Variants in CCDC134 observed in about 807,000 individuals in gnomAD.
CCDC134 encodes coiled-coil domain-containing protein 134.
In CCDC134, 27 loss-of-function variants were observed where a neutral mutation model predicts 25.6. That is an observed-to-expected ratio of 1.05 (90% CI 0.78 to 1.45). The LOEUF (loss-of-function observed/expected upper bound fraction) is 1.45. CCDC134 is among the 40% of genes most tolerant of loss of function. The pLI, the probability that CCDC134 is intolerant of heterozygous loss-of-function variation, is 0.00. For missense variants in CCDC134, 261 were observed against 286.7 expected (o/e 0.91, Z 0.65); for synonymous variants, 110 against 115.0 (o/e 0.96, Z 0.28).
chr22:41,809,092 G>A (rs2076582149), intron 2 of CCDC134, 99 bp downstream of exon 2: 1 of 970,552 alleles, frequency 1.0e-6, no homozygotes, highest in Non-Finnish European at 1.6e-6. Context: ...CCAGCTGGCG[G>A]GAACAGGGAG....
intron 4 of CCDC134, among the ~76,000 whole-genome samples, chr22:41,811,648 C>T (rs56802850): frequency 0.011 from 1,641 of 152,150 alleles, 29 homozygotes; most frequent in African/African-American, 0.038. Context: ...GGGCTGGTCT[C>T]GAACTTTTGA....
At chr22:41,823,826 C>T (rs2076663542) in intron 6 of CCDC134, among the ~76,000 whole-genome samples, 1 of 152,126 alleles carries the variant, frequency 6.6e-6, no homozygotes, top group Non-Finnish European at 1.5e-5. Flanking sequence ...AATTGGAGTA[C>T]CCAGAGAAAA....
intron 6 of CCDC134, among the ~76,000 whole-genome samples, chr22:41,819,116 C>T (rs1436749908): frequency 6.6e-6 from 1 of 151,898 alleles, no homozygotes; most frequent in Non-Finnish European, 1.5e-5. Flanking sequence ...GTGGACTTGT[C>T]TCTCGCAGGA....
chr22:41,801,981 C>T (rs547010449), intron 1 of CCDC134, among the ~76,000 whole-genome samples: 97 of 152,230 alleles, frequency 6.4e-4, no homozygotes, highest in African/African-American at 2.2e-3. Flanking sequence ...AAGAGTGGTG[C>T]TAGTCTGAGG....
chr22:41,829,146 C>T lies in CCDC134; in HGVS notation c.*3323C>T, dbSNP rs539942340. On this transcript the variant is annotated 3_prime_UTR_variant, in exon 7 of 7. Coordinates refer to ENST00000255784, the MANE Select transcript of CCDC134 (RefSeq NM_024821.5). ...AATGTGTCCAGACATTGCCAGATGTCCACTGGGAGGGAAAACCTCTCTGGT... is the reference window on the plus strand; with the variant it reads ...AATGTGTCCAGACATTGCCAGATGTTCACTGGGAGGGAAAACCTCTCTGGT... Among the ~76,000 whole-genome samples the T allele has an allele frequency of 8.5e-5, 13 of 152,162 alleles. No homozygotes were observed. The highest frequency in any genetic ancestry group is 1.8e-4 in the Non-Finnish European group (12 of 68,040).
At chr22:41,810,403 G>A in intron 4 of CCDC134, 112 bp downstream of exon 4, 2 of 982,940 alleles carry the variant, frequency 2.0e-6, no homozygotes, top group Non-Finnish European at 3.1e-6. Flanking sequence ...CCCTCTTGTG[G>A]CACCTTCTAA....
chr22:41,813,578 G>A (rs1171267427), intron 5 of CCDC134, 133 bp downstream of exon 5: 1 of 1,222,026 alleles, frequency 8.2e-7, no homozygotes, highest in African/African-American at 1.5e-5. Context: ...GGGTATCTTG[G>A]GCCACAGAGG....
rs1269511059 is a variant in CCDC134 at position 41,830,744 on chromosome 22, GAAAGTAAAATTCACTCCA to G, written c.*4936_*4953del. Reference sequence around the variant, plus strand: ...TTAAGCAATACTGAAATGCCAAAAAGAAAGTAAAATTCACTCCAAAAGTAAAATTCACCCCAAATCTCA... The same window carrying G: ...TTAAGCAATACTGAAATGCCAAAAAGAAAGTAAAATTCACCCCAAATCTCA... On this transcript the variant is annotated 3_prime_UTR_variant, in exon 7 of 7. Coordinates refer to ENST00000255784, the MANE Select transcript of CCDC134 (RefSeq NM_024821.5). Among the ~76,000 whole-genome samples the G allele has an allele frequency of 6.6e-6, 1 of 152,108 alleles. No individual in the cohort carries two copies. Among genetic ancestry groups the G allele is most frequent in the Non-Finnish European group, 1.5e-5 (1 of 68,008 alleles).
At chr22:41,824,260 G>A (rs1252119901) in intron 6 of CCDC134, among the ~76,000 whole-genome samples, 1 of 152,168 alleles carries the variant, frequency 6.6e-6, no homozygotes, top group Non-Finnish European at 1.5e-5. Context: ...GGTGGGTGTT[G>A]GAAAGAGCGT....
chr22:41,824,772 AG>A (rs2076668406), intron 6 of CCDC134, among the ~76,000 whole-genome samples: 2 of 152,120 alleles, frequency 1.3e-5, no homozygotes, highest in Admixed American at 6.5e-5. Context: ...AAAGAAGAAA[AG>A]AAAAGAAAAG....
In CCDC134 at chr22:41,828,697, CAT is replaced by C. The variant is rs2076691025; in HGVS notation, c.*2875_*2876del. On this transcript the variant is annotated 3_prime_UTR_variant, in exon 7 of 7. Coordinates refer to ENST00000255784, the MANE Select transcript of CCDC134 (RefSeq NM_024821.5). ...CCTGAGCTGTAAAGGCCCTAGGGCA[CAT>C]GTTTGTCCAGCTGCCTCTTGCAGCT... 6.7e-6 allele frequency among the ~76,000 whole-genome samples: 1 copy of C among 148,424 alleles called. No homozygotes were observed. Among genetic ancestry groups the C allele is most frequent in the Admixed American group, 7.5e-5 (1 of 13,312 alleles).
At chr22:41,822,244 C>A (rs988898811) in intron 6 of CCDC134, among the ~76,000 whole-genome samples, 2 of 151,996 alleles carry the variant, frequency 1.3e-5, no homozygotes, top group African/African-American at 4.8e-5. Flanking sequence ...ATCCTGGAGC[C>A]AGATGCATTT....
rs776830509 is a variant in CCDC134 at position 41,813,294 on chromosome 22, T to C, written c.341T>C (p.Phe114Ser). 1.9e-6 allele frequency: 3 copies of C among 1,614,170 alleles called. No homozygotes were observed. In the South Asian group the frequency reaches 3.3e-5, roughly 18 times the overall value. The change falls in exon 5 of 7, where the codon TTC (phenylalanine) becomes TCC (serine). Residue 114 changes from phenylalanine (F) to serine (S), a missense_variant. Transcript: ENST00000255784. ...TCCCACGTGGTGGAGAACACGGCCTTCTTCGGCGATGTGGTGCTGCGCTTC... is the reference window on the plus strand; with the variant it reads ...TCCCACGTGGTGGAGAACACGGCCTCCTTCGGCGATGTGGTGCTGCGCTTC... ...AFSHVVENTA[F>S]FGDVVLRFPR...
At position 41,827,471 on chromosome 22, in the gene CCDC134, A is replaced by G. The variant is rs981265148; in HGVS notation, c.*1648A>G. ...TTGAACAAAGAATTGGGCAAAATGC[A>G]CAAAGCAAGGAAGGAATGAAGGGTT... On this transcript the variant is annotated 3_prime_UTR_variant, in exon 7 of 7. Transcript: ENST00000255784. 6.6e-6 allele frequency among the ~76,000 whole-genome samples: 1 copy of G among 152,204 alleles called. No homozygotes were observed. The highest frequency in any genetic ancestry group is 1.5e-5 in the Non-Finnish European group (1 of 68,034).
Position 41,813,345 on chromosome 22 carries a change from AC to A in CCDC134, c.394del (p.His132ThrfsTer33), listed in dbSNP as rs765280336. On this transcript the variant is annotated frameshift_variant, in exon 5 of 7. Coordinates refer to ENST00000255784, the MANE Select transcript of CCDC134 (RefSeq NM_024821.5). LOFTEE classifies it high-confidence loss of function. ...RFPRIVHYYF[D>X]HNSNWNLLIR... is the part of the protein sequence containing the mutation. Reference sequence around the variant, plus strand: ...CCGAGGATTGTGCACTATTACTTTGACCACAACTCCAACTGGAACCTCCTCA... The same window carrying A: ...CCGAGGATTGTGCACTATTACTTTGACACAACTCCAACTGGAACCTCCTCA... The A allele has an allele frequency of 1.9e-6, 3 of 1,614,050 alleles. No individual in the cohort carries two copies. In the South Asian group the frequency reaches 3.3e-5, roughly 18 times the overall value.
In CCDC134 at chr22:41,829,323, G is replaced by A. The variant is rs191913221; in HGVS notation, c.*3500G>A. On this transcript the variant is annotated 3_prime_UTR_variant, in exon 7 of 7. Coordinates refer to ENST00000255784, the MANE Select transcript of CCDC134 (RefSeq NM_024821.5). ...CAAGTCTGAGCTGACTCTCTCTTCC[G>A]GATTCTTCTTTCCTCACCTGCCCCC... is the stretch of plus-strand genomic sequence containing the variant. Among the ~76,000 whole-genome samples the A allele has an allele frequency of 3.9e-5, 6 of 152,158 alleles. No homozygotes were observed. The highest frequency in any genetic ancestry group is 2.1e-4 in the South Asian group (1 of 4,824).
rs920777962 is a variant in CCDC134, at chr22:41,825,622, C to T, written c.565-76C>T. ...TCCAGGGAACCTTCCTATTCCCACACCCCGCTGGTGGCCTAGCTCAGAGCA... is the reference window on the plus strand; with the variant it reads ...TCCAGGGAACCTTCCTATTCCCACATCCCGCTGGTGGCCTAGCTCAGAGCA... On this transcript the variant is annotated intron_variant, in intron 6 of 6. Transcript: ENST00000255784. This position sits in a 1 kb window ranked among gnomAD's most constrained non-coding sequence, Gnocchi z 4.4. 1.1e-5 allele frequency: 18 copies of T among 1,583,186 alleles called. No individual in the cohort carries two copies. The highest frequency in any genetic ancestry group is 2.6e-6 in the Non-Finnish European group (3 of 1,161,848).
rs2076700529 is a variant in CCDC134 at position 41,830,510 on chromosome 22, G to A, written c.*4687G>A. 6.6e-6 allele frequency among the ~76,000 whole-genome samples: 1 copy of A among 152,166 alleles called. No individual in the cohort carries two copies. The highest frequency in any genetic ancestry group is 1.5e-5 in the Non-Finnish European group (1 of 68,028). ...TGTGAGGGGCCTTGCAAGAGCCACT[G>A]GGCAGCACAGTTGAAGGTGGCACCT... On this transcript the variant is annotated 3_prime_UTR_variant, in exon 7 of 7. Coordinates refer to ENST00000255784, the MANE Select transcript of CCDC134 (RefSeq NM_024821.5).
chr22:41,813,508 A>G (rs1349622297), intron 5 of CCDC134, 63 bp downstream of exon 5: 2 of 1,566,652 alleles, frequency 1.3e-6, no homozygotes, highest in Non-Finnish European at 1.8e-6. Context: ...GGATCCTCAC[A>G]TCTGCCTTCA....
Sources: gnomAD v4.1 joint callset for allele counts (sites outside exome capture counted in the v4.1 genomes callset) on GRCh38, gnomAD v4.1.1 for gene constraint, Gnocchi (gnomAD v3.1) non-coding constraint, MANE v1.5 for transcripts, NCBI Gene and HGNC (gene_info 2026-07-23, HGNC 2026-07-21) for gene names.